Variants in CELF4 observed in about 807,000 individuals in gnomAD.
The protein encoded by CELF4 is CUG-BP- and ETR-3-like factor 4.
CELF4 carries 18 observed loss-of-function variants against 59.9 expected under a neutral mutation model. The observed-to-expected ratio is 0.30, with a 90% CI of 0.21 to 0.45. The LOEUF (loss-of-function observed/expected upper bound fraction) is 0.45, where lower values mean the gene tolerates loss of function less well. Among genes scored for constraint, CELF4 ranks in the 20% least tolerant of loss-of-function variants. CELF4 has a pLI of 1.00. For synonymous variants in CELF4, 261 were observed against 267.1 expected, an observed-to-expected ratio of 0.98 and a Z score of 0.22; for missense variants, 456 against 689.0, an observed-to-expected ratio of 0.66 and a Z score of 3.79.
intron 2 of CELF4, among the ~76,000 whole-genome samples, chr18:37,453,245 C>T (rs2099769109): frequency 6.6e-6 from 1 of 152,240 alleles, no homozygotes; most frequent in African/African-American, 2.4e-5. Flanking sequence ...CAAAACTGAC[C>T]ACATTATGTG....
intron 2 of CELF4, among the ~76,000 whole-genome samples, chr18:37,419,545 T>C (rs2099556353): frequency 6.6e-6 from 1 of 151,828 alleles, no homozygotes; most frequent in Non-Finnish European, 1.5e-5. Flanking sequence ...TCCTGGAAGA[T>C]GGATGGGGAG....
chr18:37,381,775 GC>G (rs1310452071), intron 2 of CELF4, among the ~76,000 whole-genome samples: 3 of 152,260 alleles, frequency 2.0e-5, no homozygotes, highest in African/African-American at 7.2e-5. Flanking sequence ...GTCAGCCCCA[GC>G]TCTCCCTCTG....
chr18:37,307,251 T>C (rs980865976), intron 3 of CELF4, among the ~76,000 whole-genome samples: 1 of 152,160 alleles, frequency 6.6e-6, no homozygotes, highest in African/African-American at 2.4e-5. Context: ...TAGCTCAAGG[T>C]TCATTTCAAA....
At chr18:37,338,541 G>A (rs538351540) in intron 2 of CELF4, among the ~76,000 whole-genome samples, 4 of 152,170 alleles carry the variant, frequency 2.6e-5, no homozygotes, top group Non-Finnish European at 5.9e-5. Flanking sequence ...GTGGCGGGGG[G>A]GCTGTTCTGG....
intron 3 of CELF4, among the ~76,000 whole-genome samples, chr18:37,288,117 A>G (rs547359921): frequency 5.3e-5 from 8 of 152,330 alleles, no homozygotes; most frequent in East Asian, 1.9e-4. Flanking sequence ...ACATTTGCCA[A>G]TGGGTTTGCA....
chr18:37,265,577 A>AG (rs1251861340), intron 9 of CELF4, among the ~76,000 whole-genome samples: 1 of 152,180 alleles, frequency 6.6e-6, no homozygotes, highest in African/African-American at 2.4e-5. Context: ...GGTAGTCCCC[A>AG]GGGGCAGAGG....
chr18:37,399,083 T>A (rs934098324), intron 2 of CELF4, among the ~76,000 whole-genome samples: 12 of 152,206 alleles, frequency 7.9e-5, no homozygotes, highest in African/African-American at 2.9e-4. Context: ...CCAAGGTGAA[T>A]AACGCACAGG....
At chr18:37,437,038 CAGCCAGAATGGAA>C (rs2099694930) in intron 2 of CELF4, among the ~76,000 whole-genome samples, 1 of 152,320 alleles carries the variant, frequency 6.6e-6, no homozygotes, top group East Asian at 1.9e-4. Flanking sequence ...ACCCCCTCCC[CAGCCAGAATGGAA>C]AGACCCCAGG....
chr18:37,437,615 TC>T (rs2099697234), intron 2 of CELF4, among the ~76,000 whole-genome samples: 1 of 152,138 alleles, frequency 6.6e-6, no homozygotes, highest in Non-Finnish European at 1.5e-5. Flanking sequence ...TGCCGTCTCT[TC>T]CTGTGATGCA....
At chr18:37,255,835 G>C (rs778451013) in intron 11 of CELF4, among the ~76,000 whole-genome samples, 4 of 152,170 alleles carry the variant, frequency 2.6e-5, no homozygotes, top group Non-Finnish European at 2.9e-5. Flanking sequence ...GGGGAAAGAA[G>C]ATAAAAAGGG....
At chr18:37,448,467 C>T (rs943689400) in intron 2 of CELF4, among the ~76,000 whole-genome samples, 5 of 152,252 alleles carry the variant, frequency 3.3e-5, no homozygotes, top group African/African-American at 7.2e-5. Context: ...CGGTATGGCC[C>T]TATGCTGTCC....
intron 1 of CELF4, among the ~76,000 whole-genome samples, chr18:37,527,014 C>T (rs968216421): frequency 3.9e-5 from 6 of 152,086 alleles, no homozygotes; most frequent in African/African-American, 7.2e-5. Flanking sequence ...TGTAACAAAC[C>T]GTGGCTAATG....
In CELF4 at chr18:37,254,818, A is replaced by C. The variant is rs1004326479; in HGVS notation, c.1334-880T>G. Among the ~76,000 whole-genome samples, 5 of 152,278 alleles carry C rather than the reference A, an allele frequency of 3.3e-5. No homozygotes were observed. The highest frequency in any genetic ancestry group is 5.9e-5 in the Non-Finnish European group (4 of 68,010). On this transcript the variant is annotated intron_variant, in intron 11 of 12. Coordinates refer to ENST00000420428, the MANE Select transcript of CELF4 (RefSeq NM_020180.4). The surrounding 1 kb of genome is among the most constrained non-coding windows in gnomAD (Gnocchi z 5.1). ...AGATGGGCACAGGTCATGTTCCCAA[A>C]ATGAGGTCAGAAGTCACCTTTGGGG...
intron 1 of CELF4, among the ~76,000 whole-genome samples, chr18:37,545,396 G>T (rs544185351): frequency 1.4e-3 from 209 of 152,324 alleles, no homozygotes; most frequent in Non-Finnish European, 1.9e-3. Flanking sequence ...GGGATGGCCT[G>T]GCTTTTGTGC....
At position 37,501,335 on chromosome 18, in the gene CELF4, TG is replaced by T. The variant is rs2099931656; in HGVS notation, c.287-15729del. 4.6e-5 allele frequency among the ~76,000 whole-genome samples: 7 copies of T among 152,376 alleles called. No individual in the cohort carries two copies. The South Asian group carries it at 1.4e-3, about 32-fold the overall frequency. ...AAGTGGGAAGGATGAGTCAGAGCTA[TG>T]GCTTTTAATCTTGCTTCTACTTGTT... On this transcript the variant is annotated intron_variant, in intron 1 of 12. Coordinates refer to ENST00000420428, the MANE Select transcript of CELF4 (RefSeq NM_020180.4).
At chr18:37,537,703 C>T (rs1038394716) in intron 1 of CELF4, among the ~76,000 whole-genome samples, 1 of 152,208 alleles carries the variant, frequency 6.6e-6, no homozygotes, top group Non-Finnish European at 1.5e-5. Context: ...GGAGACACCC[C>T]TCCCTTTGCT....
chr18:37,326,908 C>T lies in CELF4; in HGVS notation c.370-5027G>A, dbSNP rs551786310. Among the ~76,000 whole-genome samples, 363 of 152,348 alleles carry T rather than the reference C, an allele frequency of 2.4e-3. 2 individuals are homozygous for T. The highest frequency in any genetic ancestry group is 8.2e-3 in the African/African-American group (340 of 41,578). On this transcript the variant is annotated intron_variant, in intron 2 of 12. Coordinates refer to ENST00000420428, the MANE Select transcript of CELF4 (RefSeq NM_020180.4). ...GACATTCCATTAATTTCTTCATCATCATAACTTAAGCTGGGACATACCCTT... is the reference window on the plus strand; with the variant it reads ...GACATTCCATTAATTTCTTCATCATTATAACTTAAGCTGGGACATACCCTT...
intron 8 of CELF4, among the ~76,000 whole-genome samples, chr18:37,268,730 T>C (rs1481578165): frequency 6.6e-6 from 1 of 152,200 alleles, no homozygotes; most frequent in Non-Finnish European, 1.5e-5. Flanking sequence ...GAAAAAAGCA[T>C]TTATGAGACC....
At chr18:37,462,435 C>T (rs1228465063) in intron 2 of CELF4, among the ~76,000 whole-genome samples, 1 of 152,196 alleles carries the variant, frequency 6.6e-6, no homozygotes, top group Non-Finnish European at 1.5e-5. Context: ...TCCACAGGCC[C>T]TGCAGGCATT....
Sources: gnomAD v4.1 joint callset for allele counts (sites outside exome capture counted in the v4.1 genomes callset) on GRCh38, gnomAD v4.1.1 for gene constraint, Gnocchi (gnomAD v3.1) non-coding constraint, MANE v1.5 for transcripts, NCBI Gene and HGNC (gene_info 2026-07-23, HGNC 2026-07-21) for gene names.